Variants in FAM168A observed in about 807,000 individuals in gnomAD.
FAM168A encodes family with sequence similarity 168 member A.
A neutral mutation model predicts 28.5 loss-of-function variants in FAM168A; 3 were observed. That is an observed-to-expected ratio of 0.11 (90% CI 0.05 to 0.27). The LOEUF is 0.27. Ranked by LOEUF, FAM168A falls within the 10% of genes least tolerant of loss-of-function variation. FAM168A has a pLI of 1.00. For missense variants in FAM168A, 222 were observed against 311.5 expected (o/e 0.71, Z 2.16); for synonymous variants, 122 against 124.2 (o/e 0.98, Z 0.12).
chr11:73,562,054 T>G (rs112036153), intron 1 of FAM168A, among the ~76,000 whole-genome samples: 11,738 of 152,234 alleles, frequency 0.077, 551 homozygotes, highest in Non-Finnish European at 0.11. Flanking sequence ...GCAATTCTCC[T>G]GCCTCAGCCT....
At chr11:73,583,788 C>T (rs59212255) in intron 1 of FAM168A, among the ~76,000 whole-genome samples, 11,060 of 152,210 alleles carry the variant, frequency 0.073, 1,200 homozygotes, top group African/African-American at 0.23. Flanking sequence ...AGGTAAAACG[C>T]ACAAGCCAGG....
At chr11:73,513,868 C>A (rs1306287914) in intron 1 of FAM168A, among the ~76,000 whole-genome samples, 1 of 152,074 alleles carries the variant, frequency 6.6e-6, no homozygotes, top group Admixed American at 6.6e-5. Flanking sequence ...AACTTTCTGG[C>A]CCTTGGTTTA....
At chr11:73,494,031 C>T (rs909274864) in intron 1 of FAM168A, among the ~76,000 whole-genome samples, 2 of 152,188 alleles carry the variant, frequency 1.3e-5, no homozygotes, top group African/African-American at 4.8e-5. Flanking sequence ...AAAGCAGAGT[C>T]TATTTTATTA....
At chr11:73,429,708 C>A (rs1333375209) in intron 3 of FAM168A, among the ~76,000 whole-genome samples, 5 of 152,210 alleles carry the variant, frequency 3.3e-5, no homozygotes, top group Non-Finnish European at 7.3e-5. Context: ...CCAGGCAGAC[C>A]GTTGTTCCCT....
intron 4 of FAM168A, among the ~76,000 whole-genome samples, chr11:73,419,380 G>T (rs1362217088): frequency 6.6e-6 from 1 of 152,126 alleles, no homozygotes; most frequent in East Asian, 1.9e-4. Flanking sequence ...AAACATTTTT[G>T]GTTGTCACAA....
In FAM168A at chr11:73,420,000, C is replaced by T; in HGVS notation, c.152-1G>A. ...CAGGCCTGTTTCATCAGCAGAGTTGCTTAAGGGAAGACACAAGAATGGCAT... is the reference window on the plus strand; with the variant it reads ...CAGGCCTGTTTCATCAGCAGAGTTGTTTAAGGGAAGACACAAGAATGGCAT... On this transcript the variant is annotated splice_acceptor_variant, in intron 3 of 7. Coordinates refer to ENST00000356467, the MANE Select transcript of FAM168A (RefSeq NM_015159.3). LOFTEE classifies it high-confidence loss of function. 2 of 1,613,252 alleles carry T rather than the reference C, an allele frequency of 1.2e-6. No homozygotes were observed. The highest frequency in any genetic ancestry group is 1.7e-6 in the Non-Finnish European group (2 of 1,179,522).
chr11:73,494,803 C>G (rs1854836853), intron 1 of FAM168A, among the ~76,000 whole-genome samples: 1 of 152,088 alleles, frequency 6.6e-6, no homozygotes, highest in Non-Finnish European at 1.5e-5. Context: ...AGTTCAAGAC[C>G]AGCCTGGCCA....
intron 3 of FAM168A, among the ~76,000 whole-genome samples, chr11:73,427,073 C>T (rs1217358211): frequency 6.6e-6 from 1 of 151,958 alleles, no homozygotes; most frequent in Non-Finnish European, 1.5e-5. Flanking sequence ...CTCACTGCAA[C>T]CTCCGCCTCC....
chr11:73,560,233 CT>C (rs762891836), intron 1 of FAM168A, among the ~76,000 whole-genome samples: 67 of 144,362 alleles, frequency 4.6e-4, no homozygotes, highest in Admixed American at 6.3e-4. Flanking sequence ...CCATGCCTGG[CT>C]TTTTTTTTTT....
At chr11:73,511,934 A>T (rs1015435850) in intron 1 of FAM168A, among the ~76,000 whole-genome samples, 1 of 152,202 alleles carries the variant, frequency 6.6e-6, no homozygotes, top group African/African-American at 2.4e-5. Flanking sequence ...ATCCTAATAT[A>T]AAGTATGATC....
chr11:73,571,578 T>C (rs375373790), intron 1 of FAM168A, among the ~76,000 whole-genome samples: 4 of 151,516 alleles, frequency 2.6e-5, no homozygotes, highest in South Asian at 2.1e-4. Context: ...AGTGCAGTGG[T>C]GTGATCTCGG....
At chr11:73,486,358 C>T (rs867957532) in intron 1 of FAM168A, among the ~76,000 whole-genome samples, 1 of 152,166 alleles carries the variant, frequency 6.6e-6, no homozygotes, top group Non-Finnish European at 1.5e-5. Context: ...TAAACACTAA[C>T]TCCCCATTCT....
intron 2 of FAM168A, among the ~76,000 whole-genome samples, chr11:73,447,970 T>C (rs903589144): frequency 1.3e-5 from 2 of 152,258 alleles, no homozygotes; most frequent in Non-Finnish European, 2.9e-5. Context: ...AACGGGATAA[T>C]AATCACTTTG....
intron 1 of FAM168A, among the ~76,000 whole-genome samples, chr11:73,515,774 T>C (rs2134643859): frequency 6.6e-6 from 1 of 152,162 alleles, no homozygotes; most frequent in Non-Finnish European, 1.5e-5. Context: ...ACAAGTATCA[T>C]GAAAGAGGTA....
At chr11:73,439,998 G>A (rs939441007) in intron 2 of FAM168A, among the ~76,000 whole-genome samples, 1 of 147,014 alleles carries the variant, frequency 6.8e-6, no homozygotes, top group African/African-American at 2.5e-5. Flanking sequence ...TGATTCTCCT[G>A]CCTCAGCCTC....
At chr11:73,545,038 A>ATATT (rs1565292048) in intron 1 of FAM168A, among the ~76,000 whole-genome samples, 3 of 86,934 alleles carry the variant, frequency 3.5e-5, no homozygotes, top group African/African-American at 1.8e-4. Flanking sequence ...ATATATATAT[A>ATATT]TTTTTTGGAG....
At chr11:73,486,338 T>A (rs1868053074) in intron 1 of FAM168A, among the ~76,000 whole-genome samples, 2 of 152,168 alleles carry the variant, frequency 1.3e-5, no homozygotes, top group African/African-American at 2.4e-5. Context: ...ACTGGACTCT[T>A]CATACCCATT....
At chr11:73,461,124 T>C (rs1046909533) in intron 2 of FAM168A, among the ~76,000 whole-genome samples, 5 of 150,366 alleles carry the variant, frequency 3.3e-5, no homozygotes, top group Non-Finnish European at 7.4e-5. Flanking sequence ...TTGTCAATCT[T>C]TTTTTTTTAA....
intron 1 of FAM168A, among the ~76,000 whole-genome samples, chr11:73,536,921 T>C (rs1462182028): frequency 6.6e-6 from 1 of 152,312 alleles, no homozygotes; most frequent in African/African-American, 2.4e-5. Context: ...TAATGGGTCA[T>C]AGACAAAGCA....
Sources: gnomAD v4.1 joint callset for allele counts (sites outside exome capture counted in the v4.1 genomes callset) on GRCh38, gnomAD v4.1.1 for gene constraint, MANE v1.5 for transcripts, NCBI Gene and HGNC (gene_info 2026-07-23, HGNC 2026-07-21) for gene names.